ZNF442: variants seen among roughly 807,000 people sequenced by gnomAD.
ZNF442 encodes zinc finger protein 442.
ZNF442 carries 45 observed loss-of-function variants against 57.0 expected under a neutral mutation model. The observed-to-expected ratio is 0.79, with a 90% CI of 0.62 to 1.01. The LOEUF is 1.01. Ranked by LOEUF, ZNF442 falls within the 50% of genes least tolerant of loss-of-function variation. The pLI is 0.00. For missense variants in ZNF442, 690 were observed against 756.5 expected (o/e 0.91, Z 1.03); for synonymous variants, 213 against 241.8 (o/e 0.88, Z 1.10).
upstream of ZNF442, among the ~76,000 whole-genome samples, chr19:12,369,545 G>A (rs774234591): frequency 1.3e-5 from 2 of 151,896 alleles, no homozygotes; most frequent in Non-Finnish European, 2.9e-5. Flanking sequence ...TTGAACCCAG[G>A]AGGCAGGGGT....
At position 12,351,336 on chromosome 19, in the gene ZNF442, T is replaced by C. The variant is rs1969234928; in HGVS notation, c.267-18A>G. ...TATGACATCTGTAAAACATGAGAAG[T>C]ATATTAATAAAGGTTTATTTATAAA... is the stretch of plus-strand genomic sequence containing the variant. On this transcript the variant is annotated intron_variant, in intron 5 of 5. Transcript: ENST00000242804. 6.3e-7 allele frequency: 1 copy of C among 1,588,554 alleles called. No homozygotes were observed. Among genetic ancestry groups the C allele is most frequent in the Non-Finnish European group, 8.6e-7 (1 of 1,168,176 alleles).
chr19:12,371,461 G>A, the ZNF442 span, among the ~76,000 whole-genome samples: 4 of 152,316 alleles, frequency 2.6e-5, no homozygotes, highest in South Asian at 8.3e-4. Flanking sequence ...ACAGGGTGCA[G>A]TGGGTCAAAG....
intron 3 of ZNF442, among the ~76,000 whole-genome samples, chr19:12,363,293 T>C (rs993392534): frequency 1.3e-5 from 2 of 152,136 alleles, no homozygotes; most frequent in Admixed American, 6.5e-5. Flanking sequence ...ACGTTGAAGC[T>C]GAAAAGAGTG....
chr19:12,349,868 CATAAG>C lies in ZNF442; in HGVS notation c.1712_1716del (p.Ser571Ter), dbSNP rs771336034. 5 of 1,613,592 alleles carry C rather than the reference CATAAG, an allele frequency of 3.1e-6. No homozygotes were observed. Among genetic ancestry groups the C allele is most frequent in the Non-Finnish European group, 4.2e-6 (5 of 1,179,880 alleles). On this transcript the variant is annotated frameshift_variant, in exon 6 of 6. Transcript: ENST00000242804. LOFTEE classifies it high-confidence loss of function. ...AAGGCTTTACCACATTGTTGACATTCATAAGATTTCTTTCCAGTGTGAATTCTTTC... is the reference window on the plus strand; with the variant it reads ...AAGGCTTTACCACATTGTTGACATTCATTTCTTTCCAGTGTGAATTCTTTC...
chr19:12,372,980 G>T, the ZNF442 span, among the ~76,000 whole-genome samples: 1 of 152,146 alleles, frequency 6.6e-6, no homozygotes, highest in East Asian at 1.9e-4. Context: ...CACCATGTTG[G>T]CCAGGATGGT....
Position 12,349,129 on chromosome 19 carries a change from A to C in ZNF442, c.*572T>G, listed in dbSNP as rs1486848288. On this transcript the variant is annotated 3_prime_UTR_variant, in exon 6 of 6. Transcript: ENST00000242804. ...GACAGGAGAATTGCTTGAACCCGGG[A>C]GGCAGAGGATGCAGTGAGCTGAGAT... 4.0e-5 allele frequency: 6 copies of C among 148,784 alleles called. No individual in the cohort carries two copies. In the East Asian group the frequency reaches 1.2e-3, roughly 29 times the overall value. The allele number at this position is 148,784 out of a possible 1,614,324, so 9.2% of individuals were successfully genotyped here.
At chr19:12,367,144 A>G (rs991549626), upstream of ZNF442, among the ~76,000 whole-genome samples, 14 of 152,168 alleles carry the variant, frequency 9.2e-5, no homozygotes, top group African/African-American at 2.9e-4. Context: ...CAATATTTCA[A>G]CGTAGGTTCT....
the ZNF442 span, chr19:12,373,662 TG>T: frequency 3.2e-6 from 1 of 309,090 alleles, no homozygotes. Flanking sequence ...TCCGGAAATA[TG>T]GTCTCAATAT....
At chr19:12,360,596 A>T (rs1379821598) in intron 3 of ZNF442, among the ~76,000 whole-genome samples, 3 of 152,216 alleles carry the variant, frequency 2.0e-5, no homozygotes, top group Non-Finnish European at 2.9e-5. Flanking sequence ...ATTTATTTAT[A>T]GATGAAGTCT....
chr19:12,372,327 C>T, the ZNF442 span, among the ~76,000 whole-genome samples: 228 of 151,986 alleles, frequency 1.5e-3, no homozygotes, highest in African/African-American at 5.2e-3. Flanking sequence ...GACATGGTGG[C>T]GGGCGCCTGT....
At chr19:12,366,438 C>G (rs1323396770), upstream of ZNF442, among the ~76,000 whole-genome samples, 1 of 152,070 alleles carries the variant, frequency 6.6e-6, no homozygotes, top group Non-Finnish European at 1.5e-5. Flanking sequence ...AGCTGAGTCT[C>G]AAACCACGTT....
At chr19:12,364,534 T>C (rs1391901311) in intron 2 of ZNF442, among the ~76,000 whole-genome samples, 2 of 152,072 alleles carry the variant, frequency 1.3e-5, no homozygotes, top group African/African-American at 4.8e-5. Context: ...GAGTTCATGA[T>C]GTTGCTGTGA....
chr19:12,350,072 G>C lies in ZNF442; in HGVS notation c.1513C>G (p.Gln505Glu), dbSNP rs182729075. 1.9e-6 allele frequency: 3 copies of C among 1,612,770 alleles called. No individual in the cohort carries two copies. Among genetic ancestry groups the C allele is most frequent in the Admixed American group, 1.7e-5 (1 of 59,898 alleles). ...TCAGCCATGTGAGTCCTTCTATGTT[G>C]AGAAAGGTATGTGAAACAACTGAAT... ...KAFSCFTYLS[Q>E]HRRTHMAEKP... The change falls in exon 6 of 6, where the codon CAA (glutamine) becomes GAA (glutamate). Residue 505 changes from glutamine (Q) to glutamate (E), a missense_variant. Coordinates refer to ENST00000242804, the MANE Select transcript of ZNF442 (RefSeq NM_030824.3).
chr19:12,358,885 C>T (rs928198744), intron 3 of ZNF442, among the ~76,000 whole-genome samples: 2 of 152,192 alleles, frequency 1.3e-5, no homozygotes, highest in African/African-American at 4.8e-5. Context: ...GCCCCAGAGA[C>T]CATCCTTTTA....
upstream of ZNF442, among the ~76,000 whole-genome samples, chr19:12,367,750 C>A (rs1599597316): frequency 6.6e-6 from 1 of 152,128 alleles, no homozygotes; most frequent in South Asian, 2.1e-4. Context: ...CTCACTGCAA[C>A]TTCTGCCTCC....
chr19:12,356,307 C>G (rs1969328346), intron 3 of ZNF442, among the ~76,000 whole-genome samples: 1 of 151,928 alleles, frequency 6.6e-6, no homozygotes, highest in Non-Finnish European at 1.5e-5. Context: ...CATGTGAAAA[C>G]TGGTTAGTAT....
chr19:12,373,549 AAAAG>A, the ZNF442 span: 2 of 157,722 alleles, frequency 1.3e-5, no homozygotes, highest in Non-Finnish European at 2.8e-5. Context: ...CTTTAAAAAT[AAAAG>A]AAAGAAAGGC....
At chr19:12,372,249 G>C in the ZNF442 span, among the ~76,000 whole-genome samples, 1 of 152,154 alleles carries the variant, frequency 6.6e-6, no homozygotes, top group South Asian at 2.1e-4. Context: ...CTGAGGTCAG[G>C]AGTTTGAGAC....
At chr19:12,353,549 T>C (rs1969278771) in intron 3 of ZNF442, among the ~76,000 whole-genome samples, 1 of 152,182 alleles carries the variant, frequency 6.6e-6, no homozygotes. Flanking sequence ...TCCACCAACA[T>C]AACTAATAAC....
Sources: gnomAD v4.1 joint callset for allele counts (sites outside exome capture counted in the v4.1 genomes callset) on GRCh38, gnomAD v4.1.1 for gene constraint, MANE v1.5 for transcripts, NCBI Gene and HGNC (gene_info 2026-07-23, HGNC 2026-07-21) for gene names.